Variants in ABCC2 observed in about 807,000 individuals in gnomAD.
The protein encoded by ABCC2 is ATP binding cassette subfamily C member 2.
Under a neutral mutation model 173.4 loss-of-function variants are expected in ABCC2, and 157 were observed. That is an observed-to-expected ratio of 0.91 (90% CI 0.80 to 1.03). The LOEUF is 1.03. ABCC2 is among the 50% of genes least tolerant of loss of function. The pLI is 0.00. For synonymous variants in ABCC2, 657 were observed against 693.5 expected, an observed-to-expected ratio of 0.95 and a Z score of 0.83; for missense variants, 1,822 against 1,852.3, an observed-to-expected ratio of 0.98 and a Z score of 0.30.
intron 2 of ABCC2, chr10:99,788,920 G>A (rs1159529118): frequency 1.3e-5 from 2 of 152,556 alleles, no homozygotes; most frequent in African/African-American, 4.8e-5. Context: ...TGAGCCCTGA[G>A]TCATATTGTT....
At position 99,813,107 on chromosome 10, in the gene ABCC2, G is replaced by A; in HGVS notation, c.2057G>A (p.Gly686Glu). The change falls in exon 16 of 32, where the codon GGA (glycine) becomes GAA (glutamate). Residue 686 changes from glycine (G) to glutamate (E), a missense_variant. By Grantham distance (98) the Gly-to-Glu change is moderately conservative. Coordinates refer to ENST00000647814, the MANE Select transcript of ABCC2 (RefSeq NM_000392.5). Reference protein sequence around the residue: ...GKSSLISAMLGEMENVHGHIT... With the variant: ...GKSSLISAMLEEMENVHGHIT... Reference sequence around the variant, plus strand: ...TCCTCCTTGATATCAGCCATGCTGGGAGAAATGGAAAATGTCCACGGGCAC... The same window carrying A: ...TCCTCCTTGATATCAGCCATGCTGGAAGAAATGGAAAATGTCCACGGGCAC... The A allele has an allele frequency of 1.2e-6, 2 of 1,614,046 alleles. No individual in the cohort carries two copies. The highest frequency in any genetic ancestry group is 2.2e-5 in the East Asian group (1 of 44,866).
intron 20 of ABCC2, 107 bp from the exon 21 acceptor site, chr10:99,830,609 C>T (rs1237181932): frequency 1.9e-6 from 3 of 1,580,100 alleles, no homozygotes; most frequent in African/African-American, 1.4e-5. Flanking sequence ...TTCCCCTGGT[C>T]ATCTGCCCTG....
Position 99,808,233 on chromosome 10 carries a change from G to T in ABCC2, c.1815+4G>T. 1 of 1,613,986 alleles carries T rather than the reference G, an allele frequency of 6.2e-7. No individual in the cohort carries two copies. The highest frequency in any genetic ancestry group is 8.5e-7 in the Non-Finnish European group (1 of 1,179,996). ...GATGATCTCCTCCATGCTCCAGGTA[G>T]GTCGGCATTCTCACTGCTAACTCCC... On this transcript the variant is annotated splice_donor_region_variant and intron_variant, in intron 13 of 31. Coordinates refer to ENST00000647814, the MANE Select transcript of ABCC2 (RefSeq NM_000392.5).
chr10:99,839,419 AC>A (rs1219529495), intron 25 of ABCC2, among the ~76,000 whole-genome samples: 2 of 18,522 alleles, frequency 1.1e-4, no homozygotes, highest in Non-Finnish European at 2.1e-4. Context: ...CGGGGGGCTG[AC>A]CCCCCCACCT....
chr10:99,799,069 A>T, intron 7 of ABCC2, 138 bp from the exon 8 acceptor site: 1 of 873,458 alleles, frequency 1.1e-6, no homozygotes, highest in Non-Finnish European at 1.8e-6. Context: ...CTAGAAGGGC[A>T]GAAGCAACTA....
At chr10:99,829,453 A>AT (rs11442349) in intron 19 of ABCC2, among the ~76,000 whole-genome samples, 103,074 of 151,932 alleles carry the variant, frequency 0.68, 35,552 homozygotes, top group African/African-American at 0.8. Context: ...GACTTTGACC[A>AT]TTTTTAATCA....
chr10:99,813,936 G>A (rs2038261845), intron 16 of ABCC2, among the ~76,000 whole-genome samples: 1 of 151,900 alleles, frequency 6.6e-6, no homozygotes, highest in Non-Finnish European at 1.5e-5. Context: ...AATCATCACT[G>A]GCATTTGCAC....
In ABCC2 at chr10:99,800,582, G is replaced by A; in HGVS notation, c.1209+19G>A. 1 of 1,613,774 alleles carries A rather than the reference G, an allele frequency of 6.2e-7. No homozygotes were observed. The highest frequency in any genetic ancestry group is 1.3e-5 in the African/African-American group (1 of 75,038). ...TAAGAAGGTAAGCAGAATACGGCAG[G>A]TATCACCAAAGAAAATCCCCTCAGT... On this transcript the variant is annotated intron_variant, in intron 9 of 31. Coordinates refer to ENST00000647814, the MANE Select transcript of ABCC2 (RefSeq NM_000392.5).
chr10:99,783,436 A>G (rs1392657127), intron 1 of ABCC2, among the ~76,000 whole-genome samples: 1 of 152,212 alleles, frequency 6.6e-6, no homozygotes, highest in African/African-American at 2.4e-5. Flanking sequence ...AGAACAGTGT[A>G]ACATTACGGA....
At position 99,799,216 on chromosome 10, in the gene ABCC2, G is replaced by T; in HGVS notation, c.877G>T (p.Glu293Ter). Residue 293 changes from glutamate (E) to a stop codon, truncating the protein, a stop_gained, in exon 8 of 32, where the codon GAA becomes TAA. Transcript: ENST00000647814. LOFTEE classifies it high-confidence loss of function. Reference sequence around the variant, plus strand: ...TTGGTTTTGTACCTAGGAAGATGTTGAAAAGAAAAAAAAGAAGTCTGGGAC... The same window carrying T: ...TTGGTTTTGTACCTAGGAAGATGTTTAAAAGAAAAAAAAGAAGTCTGGGAC... The part of the protein sequence containing the change: ...SQDALVLEDV[E>*]KKKKKSGTKK... 1 of 1,613,658 alleles carries T rather than the reference G, an allele frequency of 6.2e-7. No individual in the cohort carries two copies. Among genetic ancestry groups the T allele is most frequent in the Non-Finnish European group, 8.5e-7 (1 of 1,179,902 alleles).
chr10:99,829,849 C>T (rs1333724410), intron 19 of ABCC2, among the ~76,000 whole-genome samples: 1 of 152,186 alleles, frequency 6.6e-6, no homozygotes, highest in Non-Finnish European at 1.5e-5. Flanking sequence ...TGGTCTCAAA[C>T]TCCTGGGCTG....
intron 23 of ABCC2, among the ~76,000 whole-genome samples, chr10:99,832,606 C>T (rs565971211): frequency 2.6e-5 from 4 of 152,324 alleles, no homozygotes; most frequent in African/African-American, 9.6e-5. Context: ...AAAGCACTGT[C>T]ACAGCCTGGG....
At position 99,794,409 on chromosome 10, in the gene ABCC2, T is replaced by G. The variant is rs746055800; in HGVS notation, c.577-4T>G. 3.0e-5 allele frequency: 49 copies of G among 1,613,690 alleles called. No homozygotes were observed. Among genetic ancestry groups the G allele is most frequent in the Non-Finnish European group, 3.9e-5 (46 of 1,179,738 alleles). ...TTACATTTCGATTTTTTTGTGTCTT[T>G]CAGAATCCATCATCCATAGCTTCAT... On this transcript the variant is annotated splice_polypyrimidine_tract_variant and splice_region_variant and intron_variant, in intron 5 of 31. Transcript: ENST00000647814.
At position 99,811,518 on chromosome 10, in the gene ABCC2, A is replaced by G; in HGVS notation, c.1901-18A>G. 6.2e-7 allele frequency: 1 copy of G among 1,613,970 alleles called. No individual in the cohort carries two copies. Among genetic ancestry groups the G allele is most frequent in the Non-Finnish European group, 8.5e-7 (1 of 1,179,906 alleles). On this transcript the variant is annotated intron_variant, in intron 14 of 31. Transcript: ENST00000647814. ...GTGGGGACCTACATTGGACTAAAAG[A>G]GGGCTTTTTCTCAACAGACAAAGCC...
At position 99,831,577 on chromosome 10, in the gene ABCC2, G is replaced by T. The variant is rs76672487; in HGVS notation, c.2884-34G>T. 5.8e-3 allele frequency: 9,156 copies of T among 1,585,986 alleles called. 135 individuals carry two copies. Among genetic ancestry groups the T allele is most frequent in the African/African-American group, 0.049 (3,644 of 74,384 alleles). On this transcript the variant is annotated intron_variant, in intron 21 of 31. Coordinates refer to ENST00000647814, the MANE Select transcript of ABCC2 (RefSeq NM_000392.5). ...TGATTCCTTATCAAAAGCCATTAGGGAGTTCTACTAATATTGAGGTGGGGA... is the reference window on the plus strand; with the variant it reads ...TGATTCCTTATCAAAAGCCATTAGGTAGTTCTACTAATATTGAGGTGGGGA...
chr10:99,828,107 C>T (rs538879045), intron 19 of ABCC2, among the ~76,000 whole-genome samples: 5 of 150,258 alleles, frequency 3.3e-5, no homozygotes, highest in African/African-American at 9.8e-5. Context: ...GCAGTTTTCC[C>T]ATACTAATGG....
intron 10 of ABCC2, among the ~76,000 whole-genome samples, chr10:99,804,792 T>A (rs975180838): frequency 6.6e-6 from 1 of 152,224 alleles, no homozygotes; most frequent in Non-Finnish European, 1.5e-5. Context: ...TGTTTTGCAT[T>A]CAAGTTACAA....
At chr10:99,845,589 T>C in intron 28 of ABCC2, 35 bp from the exon 29 acceptor site, 1 of 1,613,688 alleles carries the variant, frequency 6.2e-7, no homozygotes, top group South Asian at 1.1e-5. Context: ...AAGAATTATT[T>C]GTGGAACTAA....
intron 10 of ABCC2, among the ~76,000 whole-genome samples, chr10:99,804,595 C>G (rs996381084): frequency 3.3e-4 from 50 of 152,150 alleles, no homozygotes; most frequent in African/African-American, 1.2e-3. Context: ...CCCTGCTTCT[C>G]CATTATGGCA....
Sources: gnomAD v4.1 joint callset for allele counts (sites outside exome capture counted in the v4.1 genomes callset) on GRCh38, gnomAD v4.1.1 for gene constraint, MANE v1.5 for transcripts, NCBI Gene and HGNC (gene_info 2026-07-23, HGNC 2026-07-21) for gene names.